The following FBRSL1 variants were observed in gnomAD, a reference collection of about 807,000 sequenced individuals.
The protein encoded by FBRSL1 is fibrosin-1-like protein.
Under a neutral mutation model 89.6 loss-of-function variants are expected in FBRSL1, and 51 were observed. That is an observed-to-expected ratio of 0.57 (90% CI 0.45 to 0.72). FBRSL1 has a LOEUF of 0.72. Among genes scored for constraint, FBRSL1 ranks in the 30% least tolerant of loss-of-function variants. FBRSL1 has a pLI of 0.00. For missense variants in FBRSL1, 1,618 were observed against 1,451.8 expected (o/e 1.11, Z -1.86); for synonymous variants, 779 against 681.1 (o/e 1.14, Z -2.24).
rs2037831836 is a variant in FBRSL1 at position 132,547,884 on chromosome 12, C to G, written c.616-119C>G. On this transcript the variant is annotated intron_variant, in intron 4 of 18. Coordinates refer to ENST00000680143, the MANE Select transcript of FBRSL1 (RefSeq NM_001367871.1). The stretch of plus-strand genomic sequence containing the variant: ...CACCTGGGCCTGCTGGTACCTCCCT[C>G]TCCTGGCAGCAGCCAGGGCCGCCCC... 4.6e-6 allele frequency: 5 copies of G among 1,090,428 alleles called. No homozygotes were observed. In the South Asian group the frequency reaches 7.0e-5, roughly 15 times the overall value. 67.5% of individuals were successfully genotyped at this position (1,090,428 alleles called of 1,614,324 possible).
intron 6 of FBRSL1, among the ~76,000 whole-genome samples, chr12:132,568,791 C>T (rs550702945): frequency 1.1e-4 from 17 of 152,204 alleles, no homozygotes; most frequent in Admixed American, 7.2e-4. Context: ...CTGTGTCCTC[C>T]GCGCAGCCTC....
At position 132,490,695 on chromosome 12, in the gene FBRSL1, C is replaced by G; in HGVS notation, c.125C>G (p.Pro42Arg). 1.0e-6 allele frequency: 1 copy of G among 997,262 alleles called. No individual in the cohort carries two copies. The highest frequency in any genetic ancestry group is 1.2e-6 in the Non-Finnish European group (1 of 834,924). 61.8% of individuals were successfully genotyped at this position (997,262 alleles called of 1,614,324 possible). A position where few individuals can be genotyped will look rare whatever the true frequency, so the allele number is the denominator to read the frequency against. The change falls in exon 1 of 19, where the codon CCC becomes CGC. Residue 42 changes from proline to arginine, a missense_variant. Pro to Arg is a moderately radical substitution (Grantham distance 103, BLOSUM62 -2). Transcript: ENST00000680143. ...PSSGDEPEPS[P>R]GKENAGLRGA... ...TCGGGCGACGAGCCCGAGCCCAGCC[C>G]CGGCAAGGAGAACGCGGGCCTCCGC...
chr12:132,506,123 G>A (rs1242692576), intron 1 of FBRSL1, among the ~76,000 whole-genome samples: 1 of 152,174 alleles, frequency 6.6e-6, no homozygotes, highest in Non-Finnish European at 1.5e-5. Flanking sequence ...CTGAGCAGGG[G>A]GCAGGACAGA....
At chr12:132,563,749 A>T (rs1593512562) in intron 5 of FBRSL1, among the ~76,000 whole-genome samples, 1 of 74,904 alleles carries the variant, frequency 1.3e-5, no homozygotes. Flanking sequence ...GCTCCTGTGC[A>T]CCCCCTGCAC....
At chr12:132,525,410 G>C (rs1456013083) in intron 2 of FBRSL1, among the ~76,000 whole-genome samples, 1 of 152,234 alleles carries the variant, frequency 6.6e-6, no homozygotes, top group Admixed American at 6.5e-5. Flanking sequence ...GCGGCTCCAA[G>C]CACGTGGCGG....
intron 1 of FBRSL1, among the ~76,000 whole-genome samples, chr12:132,492,251 C>T (rs934915540): frequency 4.6e-5 from 7 of 152,194 alleles, no homozygotes; most frequent in African/African-American, 1.7e-4. Flanking sequence ...GCCCTTGTAC[C>T]CTGCCGTTCT....
intron 1 of FBRSL1, among the ~76,000 whole-genome samples, chr12:132,494,936 G>A (rs1223098086): frequency 2.6e-5 from 4 of 152,216 alleles, no homozygotes; most frequent in African/African-American, 7.2e-5. Flanking sequence ...CTGCACAGAC[G>A]GTTGTGCTTA....
chr12:132,574,668 C>T (rs144726929), intron 14 of FBRSL1, 104 bp downstream of exon 14: 28,366 of 1,381,402 alleles, frequency 0.021, 377 homozygotes, highest in Non-Finnish European at 0.024. Context: ...CGCGTGTGCA[C>T]GGGTGTGATC....
Position 132,583,908 on chromosome 12 carries a change from C to T in FBRSL1, c.*130C>T, listed in dbSNP as rs1593626773. ...CCTCTCCACCCGCAGCCTGCGGAGG[C>T]GGGGACTTGGGTGTCGGCTTTTCTG... On this transcript the variant is annotated 3_prime_UTR_variant, in exon 19 of 19. Coordinates refer to ENST00000680143, the MANE Select transcript of FBRSL1 (RefSeq NM_001367871.1). 5.1e-6 allele frequency: 2 copies of T among 390,130 alleles called. No homozygotes were observed. The highest frequency in any genetic ancestry group is 8.0e-6 in the Non-Finnish European group (2 of 250,986). 24.2% of individuals were successfully genotyped at this position (390,130 alleles called of 1,614,324 possible). A position where few individuals can be genotyped will look rare whatever the true frequency, so the allele number is the denominator to read the frequency against.
In FBRSL1 at chr12:132,580,885, G is replaced by A. The variant is rs1419249211; in HGVS notation, c.1835-554G>A. On this transcript the variant is annotated intron_variant, in intron 15 of 18. Coordinates refer to ENST00000680143, the MANE Select transcript of FBRSL1 (RefSeq NM_001367871.1). The stretch of plus-strand genomic sequence containing the variant: ...AGCCCCTCCCAGGGCCCGGGCCCAG[G>A]CCCCACACGGTTGCTCTCCAAGGGT... 4.1e-6 allele frequency: 4 copies of A among 985,242 alleles called. No individual in the cohort carries two copies. In the African/African-American group the frequency reaches 5.2e-5, roughly 13 times the overall value. The allele number at this position is 985,242 out of a possible 1,614,324, so 61.0% of individuals were successfully genotyped here.
At chr12:132,574,845 A>T (rs2040276380) in intron 14 of FBRSL1, among the ~76,000 whole-genome samples, 1 of 152,010 alleles carries the variant, frequency 6.6e-6, no homozygotes, top group Non-Finnish European at 1.5e-5. Context: ...GGGGTGCCGC[A>T]CCAGCTCCCC....
In FBRSL1 at chr12:132,494,181, C is replaced by T. The variant is rs573177702; in HGVS notation, c.291+3320C>T. 7.9e-5 allele frequency among the ~76,000 whole-genome samples: 12 copies of T among 152,322 alleles called. No homozygotes were observed. The East Asian group carries it at 2.3e-3, about 29-fold the overall frequency. ...ACCGGGAACTCTGGGTGCTTGGGAA[C>T]GTGGCTCTTGCTGTCCCTTTTGTTT... On this transcript the variant is annotated intron_variant, in intron 1 of 18. Coordinates refer to ENST00000680143, the MANE Select transcript of FBRSL1 (RefSeq NM_001367871.1).
intron 1 of FBRSL1, among the ~76,000 whole-genome samples, chr12:132,497,596 G>A (rs1167248931): frequency 2.0e-5 from 3 of 152,192 alleles, no homozygotes; most frequent in Admixed American, 6.5e-5. Flanking sequence ...AGGAGCCCAC[G>A]GGCCTGACCA....
Position 132,571,565 on chromosome 12 carries a change from T to G in FBRSL1, c.1377+334T>G, listed in dbSNP as rs920335651. ...TGCTGGCAGGGGGCGGGGGCGGGCG[T>G]GGGGCGGGGACACGCAGCAGGCACA... is the stretch of plus-strand genomic sequence containing the variant. On this transcript the variant is annotated intron_variant, in intron 9 of 18. Coordinates refer to ENST00000680143, the MANE Select transcript of FBRSL1 (RefSeq NM_001367871.1). The G allele has an allele frequency of 5.4e-6, 7 of 1,287,182 alleles. No individual in the cohort carries two copies. In the East Asian group the frequency reaches 1.3e-4, roughly 25 times the overall value. 79.7% of individuals were successfully genotyped at this position (1,287,182 alleles called of 1,614,324 possible).
chr12:132,564,026 G>A (rs548585633), intron 5 of FBRSL1, among the ~76,000 whole-genome samples: 4 of 151,944 alleles, frequency 2.6e-5, no homozygotes, highest in South Asian at 4.1e-4. Flanking sequence ...GGCTGGGGCC[G>A]CGCTCACGGT....
chr12:132,552,383 GA>G (rs2038243661), intron 5 of FBRSL1: 1 of 157,720 alleles, frequency 6.3e-6, no homozygotes. Flanking sequence ...GGACAGGCTG[GA>G]GGCCCCTGCC....
intron 5 of FBRSL1, among the ~76,000 whole-genome samples, chr12:132,556,290 G>C (rs1419141477): frequency 1.3e-5 from 2 of 152,134 alleles, no homozygotes; most frequent in Non-Finnish European, 2.9e-5. Context: ...CCACAGCCTT[G>C]CTCAGAGAGT....
intron 2 of FBRSL1, among the ~76,000 whole-genome samples, chr12:132,513,984 C>A (rs746558721): frequency 2.0e-5 from 3 of 152,186 alleles, no homozygotes; most frequent in Non-Finnish European, 4.4e-5. Flanking sequence ...TCTCTCTGGA[C>A]CCCTCACTGC....
chr12:132,531,674 ACGTGGCG>A, intron 4 of FBRSL1, among the ~76,000 whole-genome samples: 1 of 149,428 alleles, frequency 6.7e-6, no homozygotes, highest in Admixed American at 7.2e-5. Flanking sequence ...TGTGTTGTGC[ACGTGGCG>A]TTGTGTGTTG....
Sources: gnomAD v4.1 joint callset for allele counts (sites outside exome capture counted in the v4.1 genomes callset) on GRCh38, gnomAD v4.1.1 for gene constraint, MANE v1.5 for transcripts, NCBI Gene and HGNC (gene_info 2026-07-23, HGNC 2026-07-21) for gene names.